FAM114A1: variants seen among roughly 807,000 people sequenced by gnomAD.
FAM114A1 encodes the protein family with sequence similarity 114 member A1.
Under a neutral mutation model 64.3 loss-of-function variants are expected in FAM114A1, and 62 were observed. That is an observed-to-expected ratio of 0.96 (90% CI 0.79 to 1.19). The LOEUF (loss-of-function observed/expected upper bound fraction) is 1.19. FAM114A1 is among the 50% of genes most tolerant of loss of function. The pLI is 0.00. For missense variants in FAM114A1, 645 were observed against 676.3 expected, an observed-to-expected ratio of 0.95 and a Z score of 0.51; for synonymous variants, 254 against 251.1, an observed-to-expected ratio of 1.01 and a Z score of -0.11.
chr4:38,876,168 T>G (rs1714606604), intron 2 of FAM114A1, among the ~76,000 whole-genome samples: 1 of 88,330 alleles, frequency 1.1e-5, no homozygotes, highest in African/African-American at 4.3e-5. Flanking sequence ...TATTCTTTTT[T>G]CTTTTTTTTT....
At chr4:38,941,680 A>G (rs1721588142) in intron 14 of FAM114A1, among the ~76,000 whole-genome samples, 1 of 152,232 alleles carries the variant, frequency 6.6e-6, no homozygotes, top group Non-Finnish European at 1.5e-5. Context: ...TGTAGAGGAA[A>G]GGTAGAAGAT....
chr4:38,930,076 G>A (rs1720505216), intron 10 of FAM114A1, among the ~76,000 whole-genome samples: 1 of 152,122 alleles, frequency 6.6e-6, no homozygotes, highest in Admixed American at 6.5e-5. Flanking sequence ...GTAGAGAGAG[G>A]CACGTCAGCC....
At chr4:38,875,837 G>C (rs1411742920) in intron 2 of FAM114A1, among the ~76,000 whole-genome samples, 1 of 152,134 alleles carries the variant, frequency 6.6e-6, no homozygotes, top group African/African-American at 2.4e-5. Context: ...TTCCTTCAAT[G>C]CTTAGTTTGT....
chr4:38,883,319 T>C (rs922372851), intron 3 of FAM114A1, among the ~76,000 whole-genome samples: 1 of 152,156 alleles, frequency 6.6e-6, no homozygotes, highest in African/African-American at 2.4e-5. Flanking sequence ...ATCAGAGAAG[T>C]CTTCAGCCTC....
intron 8 of FAM114A1, among the ~76,000 whole-genome samples, chr4:38,917,149 C>CAAATAAATAAATT (rs1553869839): frequency 1.4e-5 from 2 of 143,136 alleles, no homozygotes; most frequent in East Asian, 4.1e-4. Flanking sequence ...ACTAAAAATA[C>CAAATAAATAAATT]AAATAAATAA....
intron 8 of FAM114A1, among the ~76,000 whole-genome samples, chr4:38,915,706 A>C (rs529087841): frequency 6.9e-6 from 1 of 145,018 alleles, no homozygotes; most frequent in African/African-American, 2.7e-5. Flanking sequence ...AAAAGTCAGC[A>C]GGGTTTGGTG....
rs191336936 is a variant in FAM114A1 at position 38,906,080 on chromosome 4, G to A, written c.657+219G>A. On this transcript the variant is annotated intron_variant, in intron 6 of 14. Coordinates refer to ENST00000358869, the MANE Select transcript of FAM114A1 (RefSeq NM_138389.4). ...AAATATATTTTATGTTTAAAAGAAG[G>A]GAGCTGTTTGGAAGGAACATTTTTC... Among the ~76,000 whole-genome samples the A allele has an allele frequency of 1.2e-4, 18 of 152,200 alleles. No homozygotes were observed. In the East Asian group the frequency reaches 3.3e-3, roughly 28 times the overall value.
At chr4:38,869,922 G>T (rs1269432373) in intron 2 of FAM114A1, among the ~76,000 whole-genome samples, 1 of 152,114 alleles carries the variant, frequency 6.6e-6, no homozygotes, top group South Asian at 2.1e-4. Context: ...AATAAATTTA[G>T]ATTTATGAAA....
At chr4:38,895,894 T>C (rs1716883673) in intron 4 of FAM114A1, among the ~76,000 whole-genome samples, 1 of 152,184 alleles carries the variant, frequency 6.6e-6, no homozygotes, top group South Asian at 2.1e-4. Context: ...AAAAATACAG[T>C]ATTATGATCT....
chr4:38,904,842 C>T (rs1243838093), intron 4 of FAM114A1, among the ~76,000 whole-genome samples: 1 of 152,232 alleles, frequency 6.6e-6, no homozygotes, highest in Admixed American at 6.5e-5. Flanking sequence ...GAGACAGGTA[C>T]ACTATACAAA....
chr4:38,927,311 A>G (rs1720214562), intron 9 of FAM114A1, among the ~76,000 whole-genome samples: 1 of 152,196 alleles, frequency 6.6e-6, no homozygotes, highest in East Asian at 1.9e-4. Flanking sequence ...GGAGACCGTA[A>G]AGTCGAAGCT....
chr4:38,926,401 T>C (rs1326919657), intron 9 of FAM114A1, among the ~76,000 whole-genome samples: 1 of 151,424 alleles, frequency 6.6e-6, no homozygotes, highest in African/African-American at 2.4e-5. Flanking sequence ...GCAGAGAGAA[T>C]CTCAGCTTCT....
chr4:38,891,007 G>A (rs1459363998), intron 3 of FAM114A1, among the ~76,000 whole-genome samples: 4 of 152,124 alleles, frequency 2.6e-5, no homozygotes, highest in Non-Finnish European at 5.9e-5. Context: ...CTTAGTCTGC[G>A]TGGTGGATAT....
At chr4:38,897,225 A>G (rs1717025619) in intron 4 of FAM114A1, among the ~76,000 whole-genome samples, 1 of 152,208 alleles carries the variant, frequency 6.6e-6, no homozygotes, top group African/African-American at 2.4e-5. Context: ...CCTAAGACTC[A>G]GGTTCTTTGT....
In FAM114A1 at chr4:38,935,756, C is replaced by A. The variant is rs1201472000; in HGVS notation, c.1502C>A (p.Ser501Ter). Residue 501 changes from serine to a stop codon, truncating the protein, a stop_gained, in exon 13 of 15, where the codon TCA becomes TAA. Coordinates refer to ENST00000358869, the MANE Select transcript of FAM114A1 (RefSeq NM_138389.4). LOFTEE classifies it high-confidence loss of function. ...TAMCNEVASL[S>*]KKFTNSLTTV... Reference sequence around the variant, plus strand: ...ATGTGCAATGAAGTGGCCTCTTTATCAAAGAAGTTTACGAATTCTTTAACC... The same window carrying A: ...ATGTGCAATGAAGTGGCCTCTTTATAAAAGAAGTTTACGAATTCTTTAACC... The A allele has an allele frequency of 6.2e-7, 1 of 1,610,660 alleles. No homozygotes were observed. Among genetic ancestry groups the A allele is most frequent in the East Asian group, 2.2e-5 (1 of 44,814 alleles).
intron 7 of FAM114A1, among the ~76,000 whole-genome samples, chr4:38,910,889 C>T (rs1459796141): frequency 6.6e-6 from 1 of 152,176 alleles, no homozygotes; most frequent in Non-Finnish European, 1.5e-5. Flanking sequence ...CAGATCATGG[C>T]AGACATTCGT....
chr4:38,885,293 A>T (rs954167854), intron 3 of FAM114A1, among the ~76,000 whole-genome samples: 21 of 151,566 alleles, frequency 1.4e-4, no homozygotes, highest in Admixed American at 1.4e-3. Context: ...TTTTAAAAAA[A>T]TAGTCTCTCT....
At chr4:38,880,267 G>C (rs11943027) in intron 3 of FAM114A1, among the ~76,000 whole-genome samples, 108,996 of 151,306 alleles carry the variant, frequency 0.72, 41,614 homozygotes, top group East Asian at 1. Context: ...CCAAGTGGTT[G>C]TAATGTTTGG....
intron 9 of FAM114A1, among the ~76,000 whole-genome samples, 191 bp downstream of exon 9, chr4:38,923,084 G>A (rs1033038666): frequency 3.9e-5 from 6 of 152,128 alleles, no homozygotes; most frequent in African/African-American, 9.7e-5. Context: ...TCACTGGTCG[G>A]GAACTCCTAT....
Sources: allele counts gnomAD v4.1 joint callset (sites outside exome capture counted in the v4.1 genomes callset), GRCh38; gene constraint gnomAD v4.1.1; transcripts MANE v1.5; gene names NCBI Gene and HGNC (gene_info 2026-07-23, HGNC 2026-07-21).